Variants in BLVRA observed in about 807,000 individuals in gnomAD.
BLVRA encodes the protein biliverdin reductase A, also known as BVR A.
BLVRA carries 22 observed loss-of-function variants against 32.8 expected under a neutral mutation model. The ratio of observed to expected loss-of-function variants is 0.67; its 90% CI spans 0.48 to 0.96. The LOEUF (loss-of-function observed/expected upper bound fraction) is 0.96, where lower values mean the gene tolerates loss of function less well. Ranked by LOEUF, BLVRA falls within the 40% of genes least tolerant of loss-of-function variation. The pLI is 0.00. For missense variants in BLVRA, 323 were observed against 358.1 expected (o/e 0.90, Z 0.79); for synonymous variants, 119 against 141.3 (o/e 0.84, Z 1.12).
At chr7:43,795,886 A>G (rs539774085) in intron 5 of BLVRA, among the ~76,000 whole-genome samples, 1 of 152,202 alleles carries the variant, frequency 6.6e-6, no homozygotes, top group East Asian at 1.9e-4. Flanking sequence ...AGGACAGATC[A>G]CAAGGTCAAG....
At position 43,794,261 on chromosome 7, in the gene BLVRA, T is replaced by A. The variant is rs185376716; in HGVS notation, c.352+1449T>A. 3.9e-4 allele frequency among the ~76,000 whole-genome samples: 59 copies of A among 152,076 alleles called. No individual in the cohort carries two copies. In the East Asian group the frequency reaches 0.011, roughly 28 times the overall value. On this transcript the variant is annotated intron_variant, in intron 5 of 7. Transcript: ENST00000265523. ...AAAAATAAAAATTCTTTAAAAGACCTACCCAGACAAACAAAAACCAAGTGA... is the reference window on the plus strand; with the variant it reads ...AAAAATAAAAATTCTTTAAAAGACCAACCCAGACAAACAAAAACCAAGTGA...
At chr7:43,771,777 C>A (rs1362472341) in intron 2 of BLVRA, among the ~76,000 whole-genome samples, 1 of 152,194 alleles carries the variant, frequency 6.6e-6, no homozygotes, top group Non-Finnish European at 1.5e-5. Context: ...CTGTTTGCAG[C>A]TGGCAGATGT....
At chr7:43,779,632 T>G (rs559373542) in intron 2 of BLVRA, among the ~76,000 whole-genome samples, 9 of 152,332 alleles carry the variant, frequency 5.9e-5, no homozygotes, top group African/African-American at 2.2e-4. Context: ...GACCTCCTTA[T>G]CTGAAGGCCC....
At chr7:43,792,652 C>A in intron 4 of BLVRA, 63 bp from the exon 5 acceptor site, 1 of 1,433,402 alleles carries the variant, frequency 7.0e-7, no homozygotes, top group Non-Finnish European at 9.8e-7. Context: ...CTCTATTATG[C>A]AGAGCATTTC....
chr7:43,798,832 T>C (rs2095795600), intron 5 of BLVRA, among the ~76,000 whole-genome samples: 1 of 152,156 alleles, frequency 6.6e-6, no homozygotes, highest in Admixed American at 6.5e-5. Context: ...TGTGTGTTTA[T>C]CACAATCAGG....
chr7:43,803,557 C>T, intron 6 of BLVRA, 119 bp from the exon 7 acceptor site: 3 of 1,138,190 alleles, frequency 2.6e-6, no homozygotes, highest in Non-Finnish European at 4.0e-6. Context: ...AGGCAAGGTC[C>T]CATTGTACTG....
intron 5 of BLVRA, among the ~76,000 whole-genome samples, chr7:43,794,875 T>A (rs1016312433): frequency 4.6e-5 from 7 of 152,052 alleles, no homozygotes; most frequent in African/African-American, 1.7e-4. Context: ...TATAAAGGAG[T>A]AGAATTTTGT....
intron 2 of BLVRA, among the ~76,000 whole-genome samples, chr7:43,776,838 C>T (rs2095761610): frequency 6.6e-6 from 1 of 152,096 alleles, no homozygotes; most frequent in Admixed American, 6.5e-5. Context: ...GTATTGGGTG[C>T]ATATATATTT....
chr7:43,763,141 G>A (rs2095744230), intron 1 of BLVRA, among the ~76,000 whole-genome samples: 1 of 152,170 alleles, frequency 6.6e-6, no homozygotes, highest in Non-Finnish European at 1.5e-5. Flanking sequence ...AAGTGATGGT[G>A]AGGCACACAG....
At chr7:43,771,619 G>T (rs1355264194) in intron 2 of BLVRA, among the ~76,000 whole-genome samples, 1 of 152,162 alleles carries the variant, frequency 6.6e-6, no homozygotes, top group Non-Finnish European at 1.5e-5. Flanking sequence ...TCCCTTCCAA[G>T]TGGAGCCTAG....
At chr7:43,775,609 G>T (rs1238372890) in intron 2 of BLVRA, among the ~76,000 whole-genome samples, 2 of 152,194 alleles carry the variant, frequency 1.3e-5, no homozygotes, top group Admixed American at 6.5e-5. Flanking sequence ...CTCTTTTTTG[G>T]TTGTGTCTCT....
At chr7:43,767,749 A>C (rs1350693204) in intron 1 of BLVRA, 2 of 336,562 alleles carry the variant, frequency 5.9e-6, no homozygotes, top group African/African-American at 4.3e-5. Context: ...GATCCTCCTA[A>C]TATGTTGTTT....
intron 1 of BLVRA, chr7:43,767,582 GA>G: frequency 1.0e-6 from 1 of 991,226 alleles, no homozygotes; most frequent in Non-Finnish European, 1.6e-6. Context: ...ACAGTGACAT[GA>G]AGGCAAACAG....
In BLVRA at chr7:43,778,960, T is replaced by C. The variant is rs969134104; in HGVS notation, c.12+7790T>C. The stretch of plus-strand genomic sequence containing the variant: ...CGTGGGCATAGGACCCGCCGAGCCA[T>C]GTGCAGAATATAATCTCCTGTTGTG... On this transcript the variant is annotated intron_variant, in intron 2 of 7. Coordinates refer to ENST00000265523, the MANE Select transcript of BLVRA (RefSeq NM_000712.4). Among the ~76,000 whole-genome samples the C allele has an allele frequency of 3.3e-5, 5 of 152,368 alleles. No individual in the cohort carries two copies. The South Asian group carries it at 6.2e-4, about 19-fold the overall frequency.
At chr7:43,760,249 T>C (rs1456226702) in intron 1 of BLVRA, 1 of 152,190 alleles carries the variant, frequency 6.6e-6, no homozygotes, top group South Asian at 2.1e-4. Context: ...AGTCAAAGAT[T>C]TGCCACTTTG....
Position 43,806,999 on chromosome 7 carries a change from A to G in BLVRA, c.655A>G (p.Lys219Glu). 6.2e-7 allele frequency: 1 copy of G among 1,614,160 alleles called. No individual in the cohort carries two copies. The highest frequency in any genetic ancestry group is 8.5e-7 in the Non-Finnish European group (1 of 1,180,024). The change falls in exon 8 of 8, where the codon AAA (lysine) becomes GAA (glutamate). Residue 219 changes from lysine (K) to glutamate (E), a missense_variant. Coordinates refer to ENST00000265523, the MANE Select transcript of BLVRA (RefSeq NM_000712.4). ...KKSPLSWIEE[K>E]GPGLKRNRYL... ...CAGTCCACTGTCATGGATTGAAGAA[A>G]AAGGACCTGGTCTAAAACGAAACAG...
intron 1 of BLVRA, among the ~76,000 whole-genome samples, chr7:43,766,234 C>T (rs960479453): frequency 4.1e-5 from 6 of 145,602 alleles, no homozygotes; most frequent in Non-Finnish European, 6.0e-5. Flanking sequence ...TGCAGTGAGC[C>T]GAGATCCCAC....
intron 1 of BLVRA, among the ~76,000 whole-genome samples, chr7:43,770,431 A>G (rs1488117204): frequency 6.6e-6 from 1 of 152,096 alleles, no homozygotes. Context: ...ATGCAGATTC[A>G]TGGCCTCCCC....
In BLVRA at chr7:43,807,050, G is replaced by A; in HGVS notation, c.706G>A (p.Gly236Arg). ...NRYLSFHFKS[G>R]SLENVPNVGV... is the part of the protein sequence containing the mutation. ...ATATTTAAGCTTCCATTTCAAGTCTGGGTCCTTGGAGAATGTGCCAAATGT... is the reference window on the plus strand; with the variant it reads ...ATATTTAAGCTTCCATTTCAAGTCTAGGTCCTTGGAGAATGTGCCAAATGT... The change falls in exon 8 of 8, where the codon GGG (glycine) becomes AGG (arginine). Residue 236 changes from glycine to arginine, a missense_variant. Coordinates refer to ENST00000265523, the MANE Select transcript of BLVRA (RefSeq NM_000712.4). 6.2e-7 allele frequency: 1 copy of A among 1,614,156 alleles called. No homozygotes were observed. The highest frequency in any genetic ancestry group is 1.1e-5 in the South Asian group (1 of 91,088).
Sources: allele counts gnomAD v4.1 joint callset (sites outside exome capture counted in the v4.1 genomes callset), GRCh38; gene constraint gnomAD v4.1.1; transcripts MANE v1.5; gene names NCBI Gene and HGNC (gene_info 2026-07-23, HGNC 2026-07-21).